ARRDC3: variants seen among roughly 807,000 people sequenced by gnomAD.
ARRDC3 encodes the protein arrestin domain-containing protein 3.
A neutral mutation model predicts 47.2 loss-of-function variants in ARRDC3; 10 were observed. That is an observed-to-expected ratio of 0.21 (90% CI 0.13 to 0.36). The LOEUF is 0.36. ARRDC3 is among the 10% of genes least tolerant of loss of function. ARRDC3 has a pLI of 1.00. For missense variants in ARRDC3, 381 were observed against 503.6 expected, an observed-to-expected ratio of 0.76 and a Z score of 2.33; for synonymous variants, 156 against 178.3, an observed-to-expected ratio of 0.87 and a Z score of 1.00.
At chr5:91,380,917 G>C (rs969455385) in intron 1 of ARRDC3, 2 of 152,274 alleles carry the variant, frequency 1.3e-5, no homozygotes, top group African/African-American at 4.8e-5. Context: ...AGAAGCCCGG[G>C]AACAAACGTG....
intron 6 of ARRDC3, 86 bp downstream of exon 6, chr5:91,374,028 T>A (rs1561290563): frequency 6.7e-7 from 1 of 1,492,316 alleles, no homozygotes; most frequent in Non-Finnish European, 9.1e-7. Flanking sequence ...ATTATGTTCA[T>A]CTAGGGTCAT....
In ARRDC3 at chr5:91,383,300, T is replaced by A; in HGVS notation, c.-208A>T. 1 of 524,256 alleles carries A rather than the reference T, an allele frequency of 1.9e-6. No homozygotes were observed. The highest frequency in any genetic ancestry group is 3.3e-6 in the Non-Finnish European group (1 of 303,540). The allele number at this position is 524,256 out of a possible 1,614,324, so 32.5% of individuals were successfully genotyped here. On this transcript the variant is annotated 5_prime_UTR_variant, in exon 1 of 8. Transcript: ENST00000265138. ...TGCTCCGCGCTCCCGCTCGTCTCAG[T>A]GGTCTCCTTACAAAGACGGGCGGCT...
At chr5:91,379,287 C>A (rs2127074602) in intron 1 of ARRDC3, among the ~76,000 whole-genome samples, 1 of 79,166 alleles carries the variant, frequency 1.3e-5, no homozygotes, top group African/African-American at 5.2e-5. Context: ...GTCAAATAGA[C>A]GGAGTAAAAA....
intron 5 of ARRDC3, 149 bp from the exon 6 acceptor site, chr5:91,374,425 C>T (rs1050745414): frequency 1.5e-6 from 1 of 662,764 alleles, no homozygotes; most frequent in Non-Finnish European, 2.6e-6. Flanking sequence ...ATGTATAATT[C>T]TGTATAGTAC....
chr5:91,374,042 A>G (rs1799242472), intron 6 of ARRDC3, 72 bp downstream of exon 6: 1 of 1,528,818 alleles, frequency 6.5e-7, no homozygotes, highest in Non-Finnish European at 8.9e-7. Flanking sequence ...GGGTCATAAA[A>G]TATCAGAGGC....
intron 4 of ARRDC3, 47 bp downstream of exon 4, chr5:91,375,464 A>G: frequency 7.8e-7 from 1 of 1,289,938 alleles, no homozygotes; most frequent in Non-Finnish European, 1.1e-6. Flanking sequence ...TTAAACACAA[A>G]AGCTAAGTGA....
intron 5 of ARRDC3, 99 bp from the exon 6 acceptor site, chr5:91,374,375 C>T (rs1177860470): frequency 1.8e-6 from 2 of 1,082,192 alleles, no homozygotes; most frequent in Non-Finnish European, 2.7e-6. Context: ...CCCCCATTTA[C>T]TTCATTTTTA....
At position 91,369,456 on chromosome 5, in the gene ARRDC3, A is replaced by G. The variant is rs1799118217; in HGVS notation, c.*1944T>C. 6.6e-6 allele frequency: 1 copy of G among 152,216 alleles called. No homozygotes were observed. Among genetic ancestry groups the G allele is most frequent in the African/African-American group, 2.4e-5 (1 of 41,314 alleles). 9.4% of individuals were successfully genotyped at this position (152,216 alleles called of 1,614,324 possible). A position where few individuals can be genotyped will look rare whatever the true frequency, so the allele number is the denominator to read the frequency against. On this transcript the variant is annotated 3_prime_UTR_variant, in exon 8 of 8. Coordinates refer to ENST00000265138, the MANE Select transcript of ARRDC3 (RefSeq NM_020801.4). ...GGAGCCCAAACTCTTTAACCGAATC[A>G]CTTAAAACGCGATTCATTTTTACAC...
chr5:91,372,743 T>G (rs957696857), intron 7 of ARRDC3, among the ~76,000 whole-genome samples: 1 of 152,076 alleles, frequency 6.6e-6, no homozygotes, highest in Non-Finnish European at 1.5e-5. Context: ...AGAAATATGA[T>G]GAACAATCCC....
chr5:91,374,581 A>C (rs548154098), intron 5 of ARRDC3, among the ~76,000 whole-genome samples: 25 of 152,268 alleles, frequency 1.6e-4, no homozygotes, highest in Middle Eastern at 3.4e-3. Context: ...CAAAACAAAA[A>C]AAAACACCAA....
intron 3 of ARRDC3, 26 bp downstream of exon 3, chr5:91,376,595 G>T: frequency 6.4e-7 from 1 of 1,567,294 alleles, no homozygotes; most frequent in Non-Finnish European, 8.7e-7. Flanking sequence ...CAAAAACAAA[G>T]AATAAATAAT....
rs1799487982 is a variant in ARRDC3 at position 91,383,219 on chromosome 5, AT to A, written c.-128del. ...AAAATGCTTGCAGGCCGGATCAGTG[AT>A]TCTCTACAAATAGTTCATTGAGATT... On this transcript the variant is annotated 5_prime_UTR_variant, in exon 1 of 8. Transcript: ENST00000265138. 1 of 846,560 alleles carries A rather than the reference AT, an allele frequency of 1.2e-6. No individual in the cohort carries two copies. The highest frequency in any genetic ancestry group is 2.9e-5 in the Admixed American group (1 of 34,004). 52.4% of individuals were successfully genotyped at this position (846,560 alleles called of 1,614,324 possible). A position where few individuals can be genotyped will look rare whatever the true frequency, so the allele number is the denominator to read the frequency against.
At chr5:91,381,320 A>G (rs1799453348) in intron 1 of ARRDC3, among the ~76,000 whole-genome samples, 1 of 152,218 alleles carries the variant, frequency 6.6e-6, no homozygotes, top group Non-Finnish European at 1.5e-5. Flanking sequence ...CCCCACTGCA[A>G]GTCTTAACCC....
At chr5:91,377,773 A>T (rs1251443619) in intron 2 of ARRDC3, among the ~76,000 whole-genome samples, 1 of 152,042 alleles carries the variant, frequency 6.6e-6, no homozygotes, top group Non-Finnish European at 1.5e-5. Context: ...TATTTTTCTC[A>T]GAAATTAGAT....
At position 91,368,910 on chromosome 5, in the gene ARRDC3, T is replaced by TTAA. The variant is rs1341698213; in HGVS notation, c.*2487_*2489dup. The TTAA allele has an allele frequency of 6.6e-6, 1 of 152,590 alleles. No homozygotes were observed. The highest frequency in any genetic ancestry group is 1.5e-5 in the Non-Finnish European group (1 of 68,028). 9.5% of individuals were successfully genotyped at this position (152,590 alleles called of 1,614,324 possible). On this transcript the variant is annotated 3_prime_UTR_variant, in exon 8 of 8. Transcript: ENST00000265138. The stretch of plus-strand genomic sequence containing the variant: ...AGAATATAATCTATAAAGCAAACAT[T>TTAA]TAATATTGCACTTTGTTTTGCTAAC...
At chr5:91,375,687 T>G in intron 3 of ARRDC3, 74 bp from the exon 4 acceptor site, 1 of 980,376 alleles carries the variant, frequency 1.0e-6, no homozygotes, top group East Asian at 2.8e-5. Context: ...TTTTAAAATA[T>G]AACCCTAAAT....
chr5:91,383,039 G>C lies in ARRDC3; in HGVS notation c.54C>G (p.Asp18Glu). ...CACTAGAATACACAGGGACATTGCT[G>C]TCATTAAGACAGTCAAAGCTTATTG... ...SLTISFDCLN[D>E]SNVPVYSSGD... The change falls in exon 1 of 8, where the codon GAC becomes GAG. Residue 18 changes from aspartate (D) to glutamate (E), a missense_variant. Coordinates refer to ENST00000265138, the MANE Select transcript of ARRDC3 (RefSeq NM_020801.4). 1 of 1,613,908 alleles carries C rather than the reference G, an allele frequency of 6.2e-7. No homozygotes were observed. The highest frequency in any genetic ancestry group is 1.1e-5 in the South Asian group (1 of 91,074).
intron 3 of ARRDC3, 83 bp from the exon 4 acceptor site, chr5:91,375,696 AT>A: frequency 1.1e-6 from 1 of 911,412 alleles, no homozygotes; most frequent in Non-Finnish European, 1.6e-6. Context: ...ATAACCCTAA[AT>A]TTATGGAAAA....
chr5:91,374,430 T>C (rs948633203), intron 5 of ARRDC3, among the ~76,000 whole-genome samples, 154 bp from the exon 6 acceptor site: 6 of 152,242 alleles, frequency 3.9e-5, no homozygotes, highest in African/African-American at 1.4e-4. Flanking sequence ...TAATTCTGTA[T>C]AGTACATTTA....
Sources: allele counts gnomAD v4.1 joint callset (sites outside exome capture counted in the v4.1 genomes callset), GRCh38; gene constraint gnomAD v4.1.1; transcripts MANE v1.5; gene names NCBI Gene and HGNC (gene_info 2026-07-23, HGNC 2026-07-21).